The following TBX6 variants were observed in gnomAD, a reference collection of about 807,000 sequenced individuals.
TBX6 encodes the protein T-box transcription factor 6, also known as T-box transcription factor TBX6.
A neutral mutation model predicts 42.3 loss-of-function variants in TBX6; 29 were observed. The ratio of observed to expected loss-of-function variants is 0.69; its 90% confidence interval spans 0.51 to 0.93. TBX6 has a LOEUF of 0.93. Ranked by LOEUF, TBX6 falls within the 40% of genes least tolerant of loss-of-function variation. The pLI is 0.00. For synonymous variants in TBX6, 249 were observed against 245.1 expected, an observed-to-expected ratio of 1.02 and a Z score of -0.15; for missense variants, 569 against 603.3, an observed-to-expected ratio of 0.94 and a Z score of 0.59.
Position 30,085,930 on chromosome 16 carries a change from A to C in TBX6, c.*295T>G. ...TCCAGAGCCCATGGGGAGGCCTGGT[A>C]AGTGGGGATGCTGGTCTGTGGCCCC... On this transcript the variant is annotated 3_prime_UTR_variant, in exon 9 of 9. Transcript: ENST00000395224. 2.5e-5 allele frequency: 10 copies of C among 393,080 alleles called. No individual in the cohort carries two copies. The highest frequency in any genetic ancestry group is 7.1e-4 in the Middle Eastern group (1 of 1,410). The allele number at this position is 393,080 out of a possible 1,614,324, so 24.3% of individuals were successfully genotyped here.
Position 30,085,925 on chromosome 16 carries a change from C to T in TBX6, c.*300G>A, listed in dbSNP as rs2072618475. On this transcript the variant is annotated 3_prime_UTR_variant, in exon 9 of 9. Coordinates refer to ENST00000395224, the MANE Select transcript of TBX6 (RefSeq NM_004608.4). ...GCCCCTCCAGAGCCCATGGGGAGGC[C>T]TGGTAAGTGGGGATGCTGGTCTGTG... is the stretch of plus-strand genomic sequence containing the variant. The T allele has an allele frequency of 2.4e-6, 1 of 410,748 alleles. No homozygotes were observed. Among genetic ancestry groups the T allele is most frequent in the Non-Finnish European group, 4.4e-6 (1 of 228,916 alleles). 25.4% of individuals were successfully genotyped at this position (410,748 alleles called of 1,614,324 possible).
Position 30,090,891 on chromosome 16 carries a change from C to T in TBX6, c.220G>A (p.Gly74Ser). The T allele has an allele frequency of 1.2e-6, 2 of 1,610,892 alleles. No individual in the cohort carries two copies. The highest frequency in any genetic ancestry group is 1.7e-6 in the Non-Finnish European group (2 of 1,178,336). ...PPLPLLPPAM[G>S]TEPAPSAPEA... ...GGAGCTGATGGGGCCGGCTCAGTGC[C>T]CATGGCAGGGGGCAGAAGGGGCAGA... Residue 74 changes from glycine to serine, a missense_variant, in exon 3 of 9, where the codon GGC becomes AGC. Coordinates refer to ENST00000395224, the MANE Select transcript of TBX6 (RefSeq NM_004608.4).
chr16:30,086,148 G>A lies in TBX6; in HGVS notation c.*77C>T. On this transcript the variant is annotated 3_prime_UTR_variant, in exon 9 of 9. Transcript: ENST00000395224. The surrounding 1 kb of genome is among the most constrained non-coding windows in gnomAD (Gnocchi z 4.6). ...CCATTTGGTGTGGGGGATGGGGCCG[G>A]TGGAGGTGAGGGGGCTCCAGGGCTG... 3 of 1,519,750 alleles carry A rather than the reference G, an allele frequency of 2.0e-6. No individual in the cohort carries two copies. Among genetic ancestry groups the A allele is most frequent in the Non-Finnish European group, 2.7e-6 (3 of 1,117,256 alleles). 94.1% of individuals were successfully genotyped at this position (1,519,750 alleles called of 1,614,324 possible). A position where few individuals can be genotyped will look rare whatever the true frequency, so the allele number is the denominator to read the frequency against.
Position 30,088,547 on chromosome 16 carries a change from C to A in TBX6, c.837G>T (p.Lys279Asn). 3.1e-6 allele frequency: 5 copies of A among 1,614,236 alleles called. No individual in the cohort carries two copies. The South Asian group carries it at 5.5e-5, about 18-fold the overall frequency. Reference sequence around the variant, plus strand: ...ACAAATGAATGAACAACTCCCACCTCTTACAGTTTCTGCCGTTCTCCCGGA... The same window carrying A: ...ACAAATGAATGAACAACTCCCACCTATTACAGTTTCTGCCGTTCTCCCGGA... ...KGFRENGRNC[K>N]RERDARVKRK... The change falls in exon 6 of 9, where the codon AAG becomes AAT. Residue 279 changes from lysine (K) to asparagine (N), a missense_variant and splice_region_variant. Transcript: ENST00000395224. The surrounding 1 kb of genome is among the most constrained non-coding windows in gnomAD (Gnocchi z 4.1).
intron 6 of TBX6, among the ~76,000 whole-genome samples, chr16:30,087,174 T>C (rs949974106): frequency 2.8e-4 from 43 of 152,112 alleles, no homozygotes; most frequent in African/African-American, 9.7e-4. Flanking sequence ...TCAGCCTCTC[T>C]CTGGAATCCT....
Position 30,090,826 on chromosome 16 carries a change from C to T in TBX6, c.285G>A (p.Leu95=). Residue 95 remains leucine (L), a synonymous_variant, in exon 3 of 9, where the codon CTG becomes CTA. Transcript: ENST00000395224. ...ACTCCTTCCATAGCTCCCGGTTCTCCAGGCTCAGGCTGACCCCCGGGAGGG... is the reference window on the plus strand; with the variant it reads ...ACTCCTTCCATAGCTCCCGGTTCTCTAGGCTCAGGCTGACCCCCGGGAGGG... ...LHSLPGVSLS[L]ENRELWKEFS... The T allele has an allele frequency of 6.2e-7, 1 of 1,602,640 alleles. No individual in the cohort carries two copies. Among genetic ancestry groups the T allele is most frequent in the East Asian group, 2.2e-5 (1 of 44,810 alleles).
intron 6 of TBX6, among the ~76,000 whole-genome samples, chr16:30,087,160 A>T (rs2072648151): frequency 6.6e-6 from 1 of 150,828 alleles, no homozygotes; most frequent in Non-Finnish European, 1.5e-5. Context: ...CCCCATCTCC[A>T]CTCTCAGCCT....
Position 30,091,259 on chromosome 16 carries a change from T to C in TBX6, c.-48-18A>G, listed in dbSNP as rs1422402375. On this transcript the variant is annotated intron_variant, in intron 1 of 8. Transcript: ENST00000395224. ...CCCCGGTGCTGCGAGATGCCCCCTTTATAGCTCACAGCTCAGCCCCTTCCA... is the reference window on the plus strand; with the variant it reads ...CCCCGGTGCTGCGAGATGCCCCCTTCATAGCTCACAGCTCAGCCCCTTCCA... The C allele has an allele frequency of 1.6e-6, 2 of 1,260,676 alleles. No homozygotes were observed. The highest frequency in any genetic ancestry group is 2.2e-6 in the Non-Finnish European group (2 of 922,964). The allele number at this position is 1,260,676 out of a possible 1,614,324, so 78.1% of individuals were successfully genotyped here. A position where few individuals can be genotyped will look rare whatever the true frequency, so the allele number is the denominator to read the frequency against.
In TBX6 at chr16:30,088,527, T is replaced by C; in HGVS notation, c.839+18A>G. The C allele has an allele frequency of 6.2e-7, 1 of 1,614,102 alleles. No homozygotes were observed. Among genetic ancestry groups the C allele is most frequent in the South Asian group, 1.1e-5 (1 of 91,084 alleles). ...AACATTTGTTGAATGCATGAACAAATGAATGAACAACTCCCACCTCTTACA... is the reference window on the plus strand; with the variant it reads ...AACATTTGTTGAATGCATGAACAAACGAATGAACAACTCCCACCTCTTACA... On this transcript the variant is annotated intron_variant, in intron 6 of 8. Coordinates refer to ENST00000395224, the MANE Select transcript of TBX6 (RefSeq NM_004608.4). This position sits in a 1 kb window ranked among gnomAD's most constrained non-coding sequence, Gnocchi z 4.1.
intron 6 of TBX6, chr16:30,087,942 T>TC (rs2072665016): frequency 1.4e-5 from 2 of 145,540 alleles, no homozygotes; most frequent in Non-Finnish European, 3.0e-5. Context: ...TTCTTTCTTT[T>TC]TTTTTTTTTT....
rs942399399 is a variant in TBX6 at position 30,088,422 on chromosome 16, A to G, written c.839+123T>C. 3.5e-5 allele frequency: 46 copies of G among 1,329,106 alleles called. No individual in the cohort carries two copies. Among genetic ancestry groups the G allele is most frequent in the Admixed American group, 5.5e-5 (3 of 54,496 alleles). 82.3% of individuals were successfully genotyped at this position (1,329,106 alleles called of 1,614,324 possible). A position where few individuals can be genotyped will look rare whatever the true frequency, so the allele number is the denominator to read the frequency against. The stretch of plus-strand genomic sequence containing the variant: ...GCAGGTACTATATAAGTATTTGCTG[A>G]GTCAGTGAATGAATGTTTTCACTTA... On this transcript the variant is annotated intron_variant, in intron 6 of 8. Transcript: ENST00000395224. The surrounding 1 kb of genome is among the most constrained non-coding windows in gnomAD (Gnocchi z 4.1).
Position 30,088,098 on chromosome 16 carries a change from C to T in TBX6, c.839+447G>A. ...GGATTACAGGCGTTTGCCACCATGC[C>T]TGGCTAATTTTTGTATTTTTAGCAG... On this transcript the variant is annotated intron_variant, in intron 6 of 8. Transcript: ENST00000395224. The surrounding 1 kb of genome is among the most constrained non-coding windows in gnomAD (Gnocchi z 4.1). The T allele has an allele frequency of 4.5e-6, 1 of 223,566 alleles. No individual in the cohort carries two copies. The highest frequency in any genetic ancestry group is 5.2e-5 in the South Asian group (1 of 19,308). 13.8% of individuals were successfully genotyped at this position (223,566 alleles called of 1,614,324 possible). A position where few individuals can be genotyped will look rare whatever the true frequency, so the allele number is the denominator to read the frequency against.
Position 30,086,041 on chromosome 16 carries a change from T to G in TBX6, c.*184A>C. 3.4e-5 allele frequency: 19 copies of G among 553,064 alleles called. No individual in the cohort carries two copies. The highest frequency in any genetic ancestry group is 7.3e-5 in the East Asian group (2 of 27,230). 34.3% of individuals were successfully genotyped at this position (553,064 alleles called of 1,614,324 possible). A position where few individuals can be genotyped will look rare whatever the true frequency, so the allele number is the denominator to read the frequency against. ...GCCCCAGCTGGACTCCCAGCAGCCT[T>G]GGTTAGGCTTTGAAGCCAGAGGGGG... On this transcript the variant is annotated 3_prime_UTR_variant, in exon 9 of 9. Transcript: ENST00000395224. This position sits in a 1 kb window ranked among gnomAD's most constrained non-coding sequence, Gnocchi z 4.6.
At position 30,086,877 on chromosome 16, in the gene TBX6, A is replaced by ATGATGG. The variant is rs1433985934; in HGVS notation, c.840-27_840-26insCCATCA. On this transcript the variant is annotated intron_variant, in intron 6 of 8. Coordinates refer to ENST00000395224, the MANE Select transcript of TBX6 (RefSeq NM_004608.4). The surrounding 1 kb of genome is among the most constrained non-coding windows in gnomAD (Gnocchi z 4.6). ...CTGGGGAACAGTGGTGGTGATGATG[A>ATGATGG]TGATGATGGTGATGGCCATGGTGAT... 6.2e-7 allele frequency: 1 copy of ATGATGG among 1,604,266 alleles called. No individual in the cohort carries two copies. The highest frequency in any genetic ancestry group is 2.2e-5 in the East Asian group (1 of 44,652).
chr16:30,086,996 C>CTGAA lies in TBX6; in HGVS notation c.840-149_840-146dup, dbSNP rs777856093. 22 of 883,858 alleles carry CTGAA rather than the reference C, an allele frequency of 2.5e-5. No individual in the cohort carries two copies. The highest frequency in any genetic ancestry group is 3.4e-5 in the Non-Finnish European group (20 of 592,594). 54.8% of individuals were successfully genotyped at this position (883,858 alleles called of 1,614,324 possible). A position where few individuals can be genotyped will look rare whatever the true frequency, so the allele number is the denominator to read the frequency against. ...TATACCCATTTTATAGATGAAGAAA[C>CTGAA]TGAAGGCCAGAAAATTAAATAACTA... On this transcript the variant is annotated intron_variant, in intron 6 of 8. Transcript: ENST00000395224. The surrounding 1 kb of genome is among the most constrained non-coding windows in gnomAD (Gnocchi z 4.6).
intron 3 of TBX6, among the ~76,000 whole-genome samples, chr16:30,089,932 C>CAAAA (rs34629735): frequency 1.3e-4 from 13 of 97,470 alleles, no homozygotes; most frequent in African/African-American, 2.9e-4. Context: ...GACTCCATCT[C>CAAAA]AAAAAAAAAA....
rs762635226 is a variant in TBX6, at chr16:30,086,602, G to A, written c.1007C>T (p.Ala336Val). The change falls in exon 8 of 9, where the codon GCC (alanine) becomes GTC (valine). Residue 336 changes from alanine to valine, a missense_variant. Ala to Val is a moderately conservative substitution (Grantham distance 64). Coordinates refer to ENST00000395224, the MANE Select transcript of TBX6 (RefSeq NM_004608.4). This position sits in a 1 kb window ranked among gnomAD's most constrained non-coding sequence, Gnocchi z 4.6. ...QAPAPGEATAAPAPLCGGPSA... is the reference protein window; with the variant it reads ...QAPAPGEATAVPAPLCGGPSA... ...GGGGCCACCACACAGAGGTGCCGGGGCAGCGGTGGCTTCCCCGGGGGCTGG... is the reference window on the plus strand; with the variant it reads ...GGGGCCACCACACAGAGGTGCCGGGACAGCGGTGGCTTCCCCGGGGGCTGG... 3 of 1,583,344 alleles carry A rather than the reference G, an allele frequency of 1.9e-6. No individual in the cohort carries two copies. The highest frequency in any genetic ancestry group is 1.1e-5 in the South Asian group (1 of 87,700).
Position 30,091,208 on chromosome 16 carries a change from T to C in TBX6, c.-15A>G. 2 of 1,544,110 alleles carry C rather than the reference T, an allele frequency of 1.3e-6. No individual in the cohort carries two copies. The highest frequency in any genetic ancestry group is 1.7e-6 in the Non-Finnish European group (2 of 1,146,714). ...GGATGGTACATGTTGTAGTTCCGTCTGGCCTCAGGTCTCGCTGCTTAGGGC... is the reference window on the plus strand; with the variant it reads ...GGATGGTACATGTTGTAGTTCCGTCCGGCCTCAGGTCTCGCTGCTTAGGGC... On this transcript the variant is annotated 5_prime_UTR_variant, in exon 2 of 9. Coordinates refer to ENST00000395224, the MANE Select transcript of TBX6 (RefSeq NM_004608.4).
Position 30,086,861 on chromosome 16 carries a change from A to G in TBX6, c.840-10T>C, listed in dbSNP as rs1567340399. The G allele has an allele frequency of 2.0e-5, 32 of 1,592,804 alleles. No individual in the cohort carries two copies. The highest frequency in any genetic ancestry group is 2.7e-5 in the Non-Finnish European group (32 of 1,168,424). ...ACGGGCGTCTCGCTCCCTGGGGAAC[A>G]GTGGTGGTGATGATGATGATGATGG... On this transcript the variant is annotated splice_polypyrimidine_tract_variant and intron_variant, in intron 6 of 8. Transcript: ENST00000395224. The surrounding 1 kb of genome is among the most constrained non-coding windows in gnomAD (Gnocchi z 4.6).
Sources: allele counts gnomAD v4.1 joint callset (sites outside exome capture counted in the v4.1 genomes callset), GRCh38; gene constraint gnomAD v4.1.1; non-coding constraint Gnocchi (gnomAD v3.1); transcripts MANE v1.5; gene names NCBI Gene and HGNC (gene_info 2026-07-23, HGNC 2026-07-21).